Variants in DNAH5 observed in about 807,000 individuals in gnomAD.
DNAH5 encodes axonemal beta dynein heavy chain 5.
DNAH5 carries 372 observed loss-of-function variants against 518.2 expected under a neutral mutation model. The ratio of observed to expected loss-of-function variants is 0.72; its 90% CI spans 0.66 to 0.78. The LOEUF (loss-of-function observed/expected upper bound fraction) is 0.78, where lower values mean the gene tolerates loss of function less well. DNAH5 is among the 30% of genes least tolerant of loss of function. DNAH5 has a pLI of 0.00. For missense variants in DNAH5, 5,523 were observed against 5,687.0 expected, an observed-to-expected ratio of 0.97 and a Z score of 0.93; for synonymous variants, 2,039 against 2,025.9, an observed-to-expected ratio of 1.01 and a Z score of -0.17.
rs181581225 is a variant in DNAH5, at chr5:13,692,250, C to T, written c.13724-115G>A. 4.0e-4 allele frequency: 457 copies of T among 1,155,162 alleles called. 1 individual carries two copies. In the African/African-American group the frequency reaches 5.8e-3, roughly 15 times the overall value. The allele number at this position is 1,155,162 out of a possible 1,614,324, so 71.6% of individuals were successfully genotyped here. A position where few individuals can be genotyped will look rare whatever the true frequency, so the allele number is the denominator to read the frequency against. The stretch of plus-strand genomic sequence containing the variant: ...TCATTTCAAAAACAGATGGGTTTGG[C>T]TGAATGAGGGACATTCTTTCTGAGG... On this transcript the variant is annotated intron_variant, in intron 78 of 78. Coordinates refer to ENST00000265104, the MANE Select transcript of DNAH5 (RefSeq NM_001369.3).
intron 1 of DNAH5, among the ~76,000 whole-genome samples, chr5:13,961,331 T>A (rs1781160966): frequency 6.6e-6 from 1 of 152,194 alleles, no homozygotes; most frequent in African/African-American, 2.4e-5. Flanking sequence ...ATTTTCCAAA[T>A]GAGGAAACTC....
At chr5:13,713,623 T>C (rs1743911594) in intron 75 of DNAH5, among the ~76,000 whole-genome samples, 1 of 150,134 alleles carries the variant, frequency 6.7e-6, no homozygotes, top group South Asian at 2.1e-4. Flanking sequence ...CTCACTGATA[T>C]GTGGGAGCTA....
chr5:13,793,630 C>T lies in DNAH5; in HGVS notation c.8109G>A (p.Leu2703=), dbSNP rs1354433472. 1 of 1,614,128 alleles carries T rather than the reference C, an allele frequency of 6.2e-7. No individual in the cohort carries two copies. Among genetic ancestry groups the T allele is most frequent in the Admixed American group, 1.7e-5 (1 of 60,012 alleles). The change falls in exon 49 of 79, where the codon TTG becomes TTA. Residue 2703 remains leucine, a synonymous_variant. Transcript: ENST00000265104. ...EFTSIVDIQF[L]AAMIHPGGGR... ...CACCACCAGGATGGATCATGGCTGC[C>T]AAAAACTGGATGTCCACGATGCTGG...
In DNAH5 at chr5:13,901,465, A is replaced by G. The variant is rs1435106489; in HGVS notation, c.1839T>C (p.Asp613=). 6.2e-7 allele frequency: 1 copy of G among 1,613,842 alleles called. No individual in the cohort carries two copies. Among genetic ancestry groups the G allele is most frequent in the East Asian group, 2.2e-5 (1 of 44,870 alleles). ...GAGGCTGGTTTCGAGCCAGAGGAGGATCGTATTTCTGCTTTGTATACAGCT... is the reference window on the plus strand; with the variant it reads ...GAGGCTGGTTTCGAGCCAGAGGAGGGTCGTATTTCTGCTTTGTATACAGCT... ...ISKLYTKQKY[D]PPLARNQPPI... The change falls in exon 14 of 79, where the codon GAT becomes GAC. Residue 613 remains aspartate, a synonymous_variant. Coordinates refer to ENST00000265104, the MANE Select transcript of DNAH5 (RefSeq NM_001369.3).
chr5:13,866,322 T>G, intron 25 of DNAH5, 40 bp from the exon 26 acceptor site: 2 of 1,552,224 alleles, frequency 1.3e-6, no homozygotes, highest in Non-Finnish European at 1.8e-6. Context: ...AAGGAAGTGT[T>G]TGCATATAAA....
intron 65 of DNAH5, among the ~76,000 whole-genome samples, chr5:13,750,619 T>G (rs1375929505): frequency 1.3e-5 from 2 of 152,190 alleles, no homozygotes; most frequent in Non-Finnish European, 2.9e-5. Flanking sequence ...AAATGAGAAC[T>G]GACAATGTTG....
At position 13,814,737 on chromosome 5, in the gene DNAH5, C is replaced by T; in HGVS notation, c.7098G>A (p.Arg2366=). 6.2e-7 allele frequency: 1 copy of T among 1,614,054 alleles called. No homozygotes were observed. The highest frequency in any genetic ancestry group is 8.5e-7 in the Non-Finnish European group (1 of 1,179,996). Residue 2366 remains arginine (R), a synonymous_variant, in exon 43 of 79, where the codon CGG becomes CGA. Transcript: ENST00000265104. ...NKTLTLANGD[R]IPMAPNCKII... Reference sequence around the variant, plus strand: ...TCTTGCAGTTTGGAGCCATGGGAATCCGATCACCATTGGCAAGGGTTAGAG... The same window carrying T: ...TCTTGCAGTTTGGAGCCATGGGAATTCGATCACCATTGGCAAGGGTTAGAG...
In DNAH5 at chr5:13,811,162, G is replaced by T. The variant is rs541037280; in HGVS notation, c.7407+485C>A. Among the ~76,000 whole-genome samples, 98 of 152,300 alleles carry T rather than the reference G, an allele frequency of 6.4e-4. 1 individual carries two copies. The highest frequency in any genetic ancestry group is 2.3e-3 in the African/African-American group (97 of 41,562). ...CAGTGATTGCAGTCAGCAATAATTT[G>T]TTGTGCATTTTAGAGTAACTGAGGG... On this transcript the variant is annotated intron_variant, in intron 44 of 78. Transcript: ENST00000265104.
At chr5:13,704,192 C>T (rs751253793) in intron 76 of DNAH5, among the ~76,000 whole-genome samples, 5 of 152,134 alleles carry the variant, frequency 3.3e-5, no homozygotes, top group Non-Finnish European at 7.4e-5. Flanking sequence ...GCCACAGCAG[C>T]GGTGGAAAGA....
In DNAH5 at chr5:13,894,958, C is replaced by A. The variant is rs1773724326; in HGVS notation, c.2260-137G>T. 3 of 689,664 alleles carry A rather than the reference C, an allele frequency of 4.3e-6. No individual in the cohort carries two copies. In the South Asian group the frequency reaches 5.7e-5, roughly 13 times the overall value. 42.7% of individuals were successfully genotyped at this position (689,664 alleles called of 1,614,324 possible). On this transcript the variant is annotated intron_variant, in intron 15 of 78. Coordinates refer to ENST00000265104, the MANE Select transcript of DNAH5 (RefSeq NM_001369.3). ...TCTAATAGCCTGGCAGGTAGAGTAG[C>A]CAAAACAATAAAAAGAAAAGAAGAC...
chr5:13,958,892 C>A (rs1780956981), intron 1 of DNAH5, among the ~76,000 whole-genome samples: 2 of 152,218 alleles, frequency 1.3e-5, no homozygotes, highest in Non-Finnish European at 2.9e-5. Context: ...ACACAAATCA[C>A]AAGCTCCTAC....
chr5:13,863,384 G>A (rs1366009820), intron 28 of DNAH5, among the ~76,000 whole-genome samples: 3 of 151,980 alleles, frequency 2.0e-5, no homozygotes, highest in Non-Finnish European at 4.4e-5. Context: ...AACACAGTCT[G>A]TGAAATATCA....
At chr5:14,001,626 G>A (rs1784358346) in intron 1 of DNAH5, among the ~76,000 whole-genome samples, 2 of 151,314 alleles carry the variant, frequency 1.3e-5, no homozygotes, top group Non-Finnish European at 2.9e-5. Flanking sequence ...GCCTCCCAAA[G>A]TGCTGGGATT....
At chr5:13,764,966 TATCTC>T (rs1752319680) in intron 59 of DNAH5, among the ~76,000 whole-genome samples, 1 of 152,216 alleles carries the variant, frequency 6.6e-6, no homozygotes, top group African/African-American at 2.4e-5. Context: ...AAATAAATGA[TATCTC>T]AAACAAAGAT....
intron 46 of DNAH5, among the ~76,000 whole-genome samples, chr5:13,808,802 T>C (rs1271969564): frequency 6.6e-6 from 1 of 151,826 alleles, no homozygotes; most frequent in Non-Finnish European, 1.5e-5. Context: ...TACTAATAAA[T>C]ACAAAAAATT....
chr5:13,894,931 G>A (rs1231098266), intron 15 of DNAH5, 110 bp from the exon 16 acceptor site: 1 of 1,195,712 alleles, frequency 8.4e-7, no homozygotes. Flanking sequence ...AAACTGTAGG[G>A]CTCTAATAGC....
At chr5:13,909,824 T>C (rs1289841787) in intron 12 of DNAH5, among the ~76,000 whole-genome samples, 2 of 152,232 alleles carry the variant, frequency 1.3e-5, no homozygotes, top group African/African-American at 4.8e-5. Flanking sequence ...CTACTTGATT[T>C]ATTTCTGTAT....
intron 51 of DNAH5, among the ~76,000 whole-genome samples, chr5:13,787,012 G>C (rs1465186876): frequency 6.6e-6 from 1 of 152,072 alleles, no homozygotes. Context: ...TTGAGGTCAG[G>C]AGTTCAAGAC....
intron 67 of DNAH5, among the ~76,000 whole-genome samples, chr5:13,735,573 T>C (rs1188940220): frequency 3.9e-5 from 6 of 152,206 alleles, no homozygotes; most frequent in East Asian, 1.9e-4. Flanking sequence ...TTGGGAATTT[T>C]CTTGTTTAAC....
Sources: gnomAD v4.1 joint callset for allele counts (sites outside exome capture counted in the v4.1 genomes callset) on GRCh38, gnomAD v4.1.1 for gene constraint, MANE v1.5 for transcripts, NCBI Gene and HGNC (gene_info 2026-07-23, HGNC 2026-07-21) for gene names.